Variants in COMP observed in about 807,000 individuals in gnomAD.
COMP encodes the protein cartilage oligomeric matrix protein.
Under a neutral mutation model 95.8 loss-of-function variants are expected in COMP, and 79 were observed. That is an observed-to-expected ratio of 0.82 (90% CI 0.69 to 0.99). COMP has a LOEUF of 0.99. COMP is among the 50% of genes least tolerant of loss of function. The pLI is 0.00. For synonymous variants in COMP, 438 were observed against 433.9 expected (o/e 1.01, Z -0.12); for missense variants, 906 against 1,076.1 (o/e 0.84, Z 2.21).
chr19:18,784,466 C>T lies in COMP; in HGVS notation c.1915-103G>A. 1.4e-6 allele frequency: 2 copies of T among 1,383,960 alleles called. No homozygotes were observed. The highest frequency in any genetic ancestry group is 1.2e-5 in the South Asian group (1 of 83,792). 85.7% of individuals were successfully genotyped at this position (1,383,960 alleles called of 1,614,324 possible). On this transcript the variant is annotated intron_variant, in intron 16 of 18. Transcript: ENST00000222271. This position sits in a 1 kb window ranked among gnomAD's most constrained non-coding sequence, Gnocchi z 4.9. ...TTGGGAGCAGCAGGTGGTGGGCGGCCAGGGGGATCCGGATGAGAGACCCAC... is the reference window on the plus strand; with the variant it reads ...TTGGGAGCAGCAGGTGGTGGGCGGCTAGGGGGATCCGGATGAGAGACCCAC...
At chr19:18,783,497 C>G (rs1032583269) in intron 17 of COMP, among the ~76,000 whole-genome samples, 1 of 152,176 alleles carries the variant, frequency 6.6e-6, no homozygotes, top group Admixed American at 6.5e-5. Flanking sequence ...GGGTCTCGCT[C>G]TGTCACCCAG....
Position 18,789,859 on chromosome 19 carries a change from G to A in COMP, c.390+83C>T. On this transcript the variant is annotated intron_variant, in intron 4 of 18. Transcript: ENST00000222271. This position sits in a 1 kb window ranked among gnomAD's most constrained non-coding sequence, Gnocchi z 6.1. The stretch of plus-strand genomic sequence containing the variant: ...CTCTTCGGGGCGAACACTCCCAGTG[G>A]AGGAAGGGGTCTCCCGGGCGGCGAG... 6.6e-7 allele frequency: 1 copy of A among 1,507,038 alleles called. No individual in the cohort carries two copies. The highest frequency in any genetic ancestry group is 9.0e-7 in the Non-Finnish European group (1 of 1,111,148). The allele number at this position is 1,507,038 out of a possible 1,614,324, so 93.4% of individuals were successfully genotyped here. A position where few individuals can be genotyped will look rare whatever the true frequency, so the allele number is the denominator to read the frequency against.
At position 18,785,754 on chromosome 19, in the gene COMP, G is replaced by T. The variant is rs1001694143; in HGVS notation, c.1587C>A (p.Thr529=). The T allele has an allele frequency of 1.9e-6, 3 of 1,613,480 alleles. No homozygotes were observed. The South Asian group carries it at 3.3e-5, about 18-fold the overall frequency. ...CGACTGTCTGGAAGGCCCTGAAGTC[G>T]GTGAGCGTGACTTCAGCGTTCTCCG... ...VCPENAEVTL[T]DFRAFQTVVL... is the part of the protein sequence containing the mutation. The change falls in exon 14 of 19, where the codon ACC becomes ACA. Residue 529 remains threonine (T), a synonymous_variant. Coordinates refer to ENST00000222271, the MANE Select transcript of COMP (RefSeq NM_000095.3).
chr19:18,790,622 G>C lies in COMP; in HGVS notation c.166-9C>G, dbSNP rs763525913. ...AACGTGATCTCCCTGACCTGCAGGGGTGGGATGGAATCAGCGGGGTCCCAA... is the reference window on the plus strand; with the variant it reads ...AACGTGATCTCCCTGACCTGCAGGGCTGGGATGGAATCAGCGGGGTCCCAA... On this transcript the variant is annotated splice_polypyrimidine_tract_variant and intron_variant, in intron 2 of 18. Coordinates refer to ENST00000222271, the MANE Select transcript of COMP (RefSeq NM_000095.3). The C allele has an allele frequency of 7.4e-6, 12 of 1,613,890 alleles. No homozygotes were observed. In the East Asian group the frequency reaches 2.7e-4, roughly 36 times the overall value.
chr19:18,785,953 C>A lies in COMP; in HGVS notation c.1489+12G>T, dbSNP rs759605845. 1 of 1,590,398 alleles carries A rather than the reference C, an allele frequency of 6.3e-7. No individual in the cohort carries two copies. The highest frequency in any genetic ancestry group is 1.3e-5 in the African/African-American group (1 of 74,594). ...GGCCCCGCCCCCACCGCAGGCCCCG[C>A]CCCCGCCGTACTGTCCGCGTCCTCC... On this transcript the variant is annotated intron_variant, in intron 13 of 18. Transcript: ENST00000222271.
At position 18,787,558 on chromosome 19, in the gene COMP, G is replaced by A. The variant is rs1179048418; in HGVS notation, c.1068C>T (p.Asn356=). The A allele has an allele frequency of 2.5e-6, 4 of 1,614,008 alleles. No homozygotes were observed. The highest frequency in any genetic ancestry group is 3.4e-6 in the Non-Finnish European group (4 of 1,180,044). ...DACDNCRSQK[N]DDQKDTDQDG... ...CCTGGTCTGTGTCCTTTTGGTCGTC[G>A]TTCTTCTGGGACCGGCAGTTGTCGC... The change falls in exon 10 of 19, where the codon AAC becomes AAT. Residue 356 remains asparagine (N), a synonymous_variant. Transcript: ENST00000222271.
chr19:18,790,196 G>A, intron 3 of COMP, 82 bp from the exon 4 acceptor site: 3 of 1,114,830 alleles, frequency 2.7e-6, no homozygotes, highest in Non-Finnish European at 3.7e-6. Flanking sequence ...ACGCCCCGGG[G>A]CTGGAGGCTT....
At position 18,790,622 on chromosome 19, in the gene COMP, G is replaced by T; in HGVS notation, c.166-9C>A. ...AACGTGATCTCCCTGACCTGCAGGG[G>T]TGGGATGGAATCAGCGGGGTCCCAA... On this transcript the variant is annotated splice_polypyrimidine_tract_variant and intron_variant, in intron 2 of 18. Coordinates refer to ENST00000222271, the MANE Select transcript of COMP (RefSeq NM_000095.3). 2 of 1,613,890 alleles carry T rather than the reference G, an allele frequency of 1.2e-6. No individual in the cohort carries two copies. Among genetic ancestry groups the T allele is most frequent in the Non-Finnish European group, 1.7e-6 (2 of 1,179,866 alleles).
intron 10 of COMP, chr19:18,786,992 C>G: frequency 2.9e-6 from 1 of 341,320 alleles, no homozygotes; most frequent in Non-Finnish European, 5.5e-6. Context: ...AGTCTGGTCT[C>G]GAACTCCTGA....
Position 18,784,236 on chromosome 19 carries a change from G to T in COMP, c.2042C>A (p.Ser681Tyr). The stretch of plus-strand genomic sequence containing the variant: ...CCGGTGCTGCAGGAACCAACGATAG[G>T]ACTTCTTGTCCTTCCAACCCACGTT... The part of the protein sequence containing the change: ...PRNVGWKDKK[S>Y]YRWFLQHRPQ... The change falls in exon 17 of 19, where the codon TCC becomes TAC. Residue 681 changes from serine (S) to tyrosine (Y), a missense_variant. Ser to Tyr is a moderately radical substitution (Grantham distance 144). Transcript: ENST00000222271. This position sits in a 1 kb window ranked among gnomAD's most constrained non-coding sequence, Gnocchi z 4.9. The T allele has an allele frequency of 6.2e-7, 1 of 1,614,042 alleles. No homozygotes were observed. The highest frequency in any genetic ancestry group is 8.5e-7 in the Non-Finnish European group (1 of 1,180,028).
In COMP at chr19:18,788,389, C is replaced by A; in HGVS notation, c.867+21G>T. The A allele has an allele frequency of 1.3e-6, 2 of 1,586,242 alleles. No homozygotes were observed. Among genetic ancestry groups the A allele is most frequent in the Non-Finnish European group, 1.7e-6 (2 of 1,160,838 alleles). On this transcript the variant is annotated intron_variant, in intron 8 of 18. Transcript: ENST00000222271. This position sits in a 1 kb window ranked among gnomAD's most constrained non-coding sequence, Gnocchi z 4.7. Reference sequence around the variant, plus strand: ...CCGCCCTCCCTCCTGCCCAAGCCCGCCCCGCTCCGCCCCCACCCACCTTAC... The same window carrying A: ...CCGCCCTCCCTCCTGCCCAAGCCCGACCCGCTCCGCCCCCACCCACCTTAC...
In COMP at chr19:18,787,590, C is replaced by A. The variant is rs761751595; in HGVS notation, c.1036G>T (p.Asp346Tyr). ...TGGGACCGGCAGTTGTCGCACGCAT[C>A]GCCCCACTTGTCCTCGTCCGTGTTG... Reference protein sequence around the residue: ...QRNTDEDKWGDACDNCRSQKN... With the variant: ...QRNTDEDKWGYACDNCRSQKN... The change falls in exon 10 of 19, where the codon GAT (aspartate) becomes TAT (tyrosine). Residue 346 changes from aspartate (D) to tyrosine (Y), a missense_variant. Transcript: ENST00000222271. 1 of 1,614,084 alleles carries A rather than the reference C, an allele frequency of 6.2e-7. No individual in the cohort carries two copies. The highest frequency in any genetic ancestry group is 1.1e-5 in the South Asian group (1 of 91,080).
Position 18,785,868 on chromosome 19 carries a change from C to T in COMP, c.1490-17G>A, listed in dbSNP as rs754790637. The T allele has an allele frequency of 1.2e-6, 2 of 1,609,622 alleles. No individual in the cohort carries two copies. Among genetic ancestry groups the T allele is most frequent in the East Asian group, 2.2e-5 (1 of 44,850 alleles). On this transcript the variant is annotated splice_polypyrimidine_tract_variant and intron_variant, in intron 13 of 18. Coordinates refer to ENST00000222271, the MANE Select transcript of COMP (RefSeq NM_000095.3). ...CGCCGTCCCCTGAGAGGTGGGAGAC[C>T]CCTCGGTGGGCTAAAGTCAGGGCCC...
In COMP at chr19:18,784,384, T is replaced by C. The variant is rs1244409645; in HGVS notation, c.1915-21A>G. The C allele has an allele frequency of 6.2e-7, 1 of 1,613,548 alleles. No homozygotes were observed. Among genetic ancestry groups the C allele is most frequent in the Non-Finnish European group, 8.5e-7 (1 of 1,179,964 alleles). On this transcript the variant is annotated intron_variant, in intron 16 of 18. Transcript: ENST00000222271. This position sits in a 1 kb window ranked among gnomAD's most constrained non-coding sequence, Gnocchi z 4.9. ...ACAGCCTGCCAATACCCAGGAAAGG[T>C]GGTCAGAGACCTCGTGGGCCACCGG... is the stretch of plus-strand genomic sequence containing the variant.
intron 15 of COMP, among the ~76,000 whole-genome samples, 156 bp downstream of exon 15, chr19:18,785,342 C>T (rs2055157504): frequency 7.3e-6 from 1 of 137,110 alleles, no homozygotes; most frequent in African/African-American, 2.7e-5. Flanking sequence ...TCCTCCCGGG[C>T]CCGCCCATAT....
rs780796206 is a variant in COMP, at chr19:18,788,942, C to A, written c.529-29G>T. 3.7e-6 allele frequency: 6 copies of A among 1,610,190 alleles called. No homozygotes were observed. The highest frequency in any genetic ancestry group is 4.5e-5 in the East Asian group (2 of 44,858). On this transcript the variant is annotated intron_variant, in intron 5 of 18. Coordinates refer to ENST00000222271, the MANE Select transcript of COMP (RefSeq NM_000095.3). This position sits in a 1 kb window ranked among gnomAD's most constrained non-coding sequence, Gnocchi z 4.7. ...GGGGAGGGGAACTCAGAGGTCACCA[C>A]CCCACGCAGACACCTCCGGACCTCC...
At chr19:18,790,748 C>G (rs899335243) in intron 2 of COMP, 102 bp downstream of exon 2, 1 of 1,605,040 alleles carries the variant, frequency 6.2e-7, no homozygotes, top group African/African-American at 1.3e-5. Context: ...CCTTCCCTCC[C>G]CATCTCCTCT....
chr19:18,786,614 G>A lies in COMP; in HGVS notation c.1172C>T (p.Pro391Leu). ...ATCACTGTCCTTCTGGTCTGAGTTG[G>A]GTACCCTAGGGCAGTTGTCGGCCTG... The part of the protein sequence containing the change: ...RNQADNCPRV[P>L]NSDQKDSDGD... The change falls in exon 11 of 19, where the codon CCC becomes CTC. Residue 391 changes from proline (P) to leucine (L), a missense_variant. By Grantham distance (98) the Pro-to-Leu change is moderately conservative. Coordinates refer to ENST00000222271, the MANE Select transcript of COMP (RefSeq NM_000095.3). 6.2e-7 allele frequency: 1 copy of A among 1,614,026 alleles called. No individual in the cohort carries two copies. The highest frequency in any genetic ancestry group is 8.5e-7 in the Non-Finnish European group (1 of 1,180,008).
intron 3 of COMP, 31 bp from the exon 4 acceptor site, chr19:18,790,145 G>A (rs1344545014): frequency 4.7e-6 from 7 of 1,490,624 alleles, no homozygotes; most frequent in African/African-American, 1.4e-5. Context: ...AAGCGGCGGG[G>A]CTGATCGGTG....
Sources: allele counts gnomAD v4.1 joint callset (sites outside exome capture counted in the v4.1 genomes callset), GRCh38; gene constraint gnomAD v4.1.1; non-coding constraint Gnocchi (gnomAD v3.1); transcripts MANE v1.5; gene names NCBI Gene and HGNC (gene_info 2026-07-23, HGNC 2026-07-21).